Variants in ATP2A2 observed in about 807,000 individuals in gnomAD.
The protein encoded by ATP2A2 is ATPase sarcoplasmic/endoplasmic reticulum Ca2+ transporting 2.
Under a neutral mutation model 109.3 loss-of-function variants are expected in ATP2A2, and 14 were observed. The observed-to-expected ratio is 0.13, with a 90% CI of 0.08 to 0.20. The LOEUF is 0.20. ATP2A2 is among the 10% of genes least tolerant of loss of function. The pLI, the probability that ATP2A2 is intolerant of heterozygous loss-of-function variation, is 1.00. For synonymous variants in ATP2A2, 506 were observed against 490.9 expected (o/e 1.03, Z -0.41); for missense variants, 657 against 1,321.6 (o/e 0.50, Z 7.80).
Position 110,348,798 on chromosome 12 carries a change from G to A in ATP2A2, c.*2328G>A. The A allele has an allele frequency of 1.0e-6, 1 of 985,514 alleles. No individual in the cohort carries two copies. The highest frequency in any genetic ancestry group is 1.2e-6 in the Non-Finnish European group (1 of 830,018). The allele number at this position is 985,514 out of a possible 1,614,324, so 61.0% of individuals were successfully genotyped here. On this transcript the variant is annotated 3_prime_UTR_variant, in exon 20 of 20. Coordinates refer to ENST00000539276, the MANE Select transcript of ATP2A2 (RefSeq NM_170665.4). ...CTGCTTTGCCCAGCAGGGAACATTT[G>A]GGGCAGGGGGTAAATTTTGCCAGTT...
intron 5 of ATP2A2, among the ~76,000 whole-genome samples, chr12:110,314,592 C>A (rs1029132668): frequency 6.6e-6 from 1 of 152,128 alleles, no homozygotes. Flanking sequence ...TGGCCTTGAA[C>A]AAGTACCTTT....
At chr12:110,297,538 C>T (rs915795031) in intron 5 of ATP2A2, among the ~76,000 whole-genome samples, 1 of 152,022 alleles carries the variant, frequency 6.6e-6, no homozygotes, top group Non-Finnish European at 1.5e-5. Flanking sequence ...GTCCATGAAT[C>T]CACTGTGAGT....
At chr12:110,307,434 T>C (rs1361356638) in intron 5 of ATP2A2, among the ~76,000 whole-genome samples, 1 of 151,768 alleles carries the variant, frequency 6.6e-6, no homozygotes, top group East Asian at 2.0e-4. Context: ...GGTCTTACTA[T>C]GTTGCCCTGG....
chr12:110,336,749 C>T (rs1478982702), intron 11 of ATP2A2, among the ~76,000 whole-genome samples: 1 of 152,222 alleles, frequency 6.6e-6, no homozygotes, highest in Non-Finnish European at 1.5e-5. Flanking sequence ...AACTGATGCA[C>T]AATTCACAAA....
Position 110,347,368 on chromosome 12 carries a change from C to G in ATP2A2, c.*898C>G, listed in dbSNP as rs1566244752. The G allele has an allele frequency of 7.8e-7, 1 of 1,289,066 alleles. No homozygotes were observed. The highest frequency in any genetic ancestry group is 1.5e-5 in the African/African-American group (1 of 65,826). The allele number at this position is 1,289,066 out of a possible 1,614,324, so 79.9% of individuals were successfully genotyped here. On this transcript the variant is annotated 3_prime_UTR_variant, in exon 20 of 20. Coordinates refer to ENST00000539276, the MANE Select transcript of ATP2A2 (RefSeq NM_170665.4). ...TCGTAAGTGGCTTACCTGGGACTAA[C>G]AGACATGTCCAACTTTCTCTCCAGT... is the stretch of plus-strand genomic sequence containing the variant.
In ATP2A2 at chr12:110,339,705, A is replaced by G; in HGVS notation, c.1745A>G (p.Asn582Ser). 6.2e-7 allele frequency: 1 copy of G among 1,613,996 alleles called. No homozygotes were observed. The highest frequency in any genetic ancestry group is 8.5e-7 in the Non-Finnish European group (1 of 1,180,028). The change falls in exon 13 of 20, where the codon AAC becomes AGC. Residue 582 changes from asparagine to serine, a missense_variant. Physicochemically the swap from Asn to Ser is conservative, Grantham distance 46 (BLOSUM62 1). This residue lies in a region of ATP2A2 where 180 missense variants were observed against 329.1 expected (regional missense o/e 0.55). Transcript: ENST00000539276. The surrounding 1 kb of genome is among the most constrained non-coding windows in gnomAD (Gnocchi z 4.4). ...GAAATGCACCTTGAGGACTCTGCCA[A>G]CTTTATTAAATATGAGGTTAGCTAA... is the stretch of plus-strand genomic sequence containing the variant. ...REEMHLEDSANFIKYETNLTF... is the reference protein window; with the variant it reads ...REEMHLEDSASFIKYETNLTF...
chr12:110,308,262 G>C (rs1875599097), intron 5 of ATP2A2, among the ~76,000 whole-genome samples: 1 of 152,142 alleles, frequency 6.6e-6, no homozygotes, highest in African/African-American at 2.4e-5. Context: ...ATACAACGTT[G>C]AAGTACCAAG....
intron 3 of ATP2A2, among the ~76,000 whole-genome samples, chr12:110,288,333 G>A (rs1465979022): frequency 6.6e-6 from 1 of 151,002 alleles, no homozygotes; most frequent in African/African-American, 2.4e-5. Context: ...CCAATTCCTG[G>A]CCTTAAGAGA....
At chr12:110,303,523 G>A (rs551689427) in intron 5 of ATP2A2, among the ~76,000 whole-genome samples, 1 of 152,186 alleles carries the variant, frequency 6.6e-6, no homozygotes, top group African/African-American at 2.4e-5. Flanking sequence ...CGATTCTCCT[G>A]CCTCAGCCTC....
intron 5 of ATP2A2, among the ~76,000 whole-genome samples, chr12:110,319,500 A>G (rs1369079773): frequency 6.6e-6 from 1 of 151,194 alleles, no homozygotes; most frequent in East Asian, 1.9e-4. Context: ...ATGTGTATCA[A>G]TACAGTTTCT....
rs1468258059 is a variant in ATP2A2 at position 110,348,006 on chromosome 12, A to G, written c.*1536A>G. On this transcript the variant is annotated 3_prime_UTR_variant, in exon 20 of 20. Coordinates refer to ENST00000539276, the MANE Select transcript of ATP2A2 (RefSeq NM_170665.4). ...AGGTGTGGCTTTCATAGACCTCCAC[A>G]GGCTGCCTAGGACAAGATGACCAGG... The G allele has an allele frequency of 2.0e-6, 2 of 987,986 alleles. No homozygotes were observed. Among genetic ancestry groups the G allele is most frequent in the Non-Finnish European group, 2.4e-6 (2 of 831,676 alleles). 61.2% of individuals were successfully genotyped at this position (987,986 alleles called of 1,614,324 possible). A position where few individuals can be genotyped will look rare whatever the true frequency, so the allele number is the denominator to read the frequency against.
At chr12:110,306,708 G>A (rs1875378458) in intron 5 of ATP2A2, among the ~76,000 whole-genome samples, 1 of 152,098 alleles carries the variant, frequency 6.6e-6, no homozygotes, top group South Asian at 2.1e-4. Context: ...GCATGGCTGC[G>A]TAGTATCACA....
At position 110,349,073 on chromosome 12, in the gene ATP2A2, G is replaced by A. The variant is rs1012938368; in HGVS notation, c.*2603G>A. 8.1e-6 allele frequency: 8 copies of A among 985,384 alleles called. No individual in the cohort carries two copies. The highest frequency in any genetic ancestry group is 8.4e-6 in the Non-Finnish European group (7 of 830,018). 61.0% of individuals were successfully genotyped at this position (985,384 alleles called of 1,614,324 possible). A position where few individuals can be genotyped will look rare whatever the true frequency, so the allele number is the denominator to read the frequency against. ...TCAGACCCCTCCAGCCCACAGAGGA[G>A]CCCATGGAGGGACCCACTTCCCTTG... On this transcript the variant is annotated 3_prime_UTR_variant, in exon 20 of 20. Coordinates refer to ENST00000539276, the MANE Select transcript of ATP2A2 (RefSeq NM_170665.4).
Position 110,340,557 on chromosome 12 carries a change from A to G in ATP2A2, c.1762-102A>G. The G allele has an allele frequency of 7.4e-7, 1 of 1,353,688 alleles. No homozygotes were observed. Among genetic ancestry groups the G allele is most frequent in the Non-Finnish European group, 1.0e-6 (1 of 973,382 alleles). 83.9% of individuals were successfully genotyped at this position (1,353,688 alleles called of 1,614,324 possible). Reference sequence around the variant, plus strand: ...CCGCCTCAAAAAAAAAAAAAGAAAAAAAATGCAGAAACCTGTCTCAATGTT... The same window carrying G: ...CCGCCTCAAAAAAAAAAAAAGAAAAGAAATGCAGAAACCTGTCTCAATGTT... On this transcript the variant is annotated intron_variant, in intron 13 of 19. Coordinates refer to ENST00000539276, the MANE Select transcript of ATP2A2 (RefSeq NM_170665.4). This position sits in a 1 kb window ranked among gnomAD's most constrained non-coding sequence, Gnocchi z 6.0.
intron 11 of ATP2A2, among the ~76,000 whole-genome samples, chr12:110,337,161 G>A (rs1878913185): frequency 6.6e-6 from 1 of 152,156 alleles, no homozygotes; most frequent in Non-Finnish European, 1.5e-5. Context: ...CAAGGGATCG[G>A]AAACAGCTGT....
chr12:110,311,422 C>T (rs978927142), intron 5 of ATP2A2, among the ~76,000 whole-genome samples: 5 of 151,584 alleles, frequency 3.3e-5, no homozygotes, highest in Non-Finnish European at 7.4e-5. Context: ...ACCCCCGTCT[C>T]TACTAAAAAT....
Position 110,347,438 on chromosome 12 carries a change from G to C in ATP2A2, c.*968G>C, listed in dbSNP as rs778876071. On this transcript the variant is annotated 3_prime_UTR_variant, in exon 20 of 20. Coordinates refer to ENST00000539276, the MANE Select transcript of ATP2A2 (RefSeq NM_170665.4). ...TTGTACTCTGCTTGAGGGGAAGAAGGCTCCTGCTCTGCTGTGTAGGTAGTC... is the reference window on the plus strand; with the variant it reads ...TTGTACTCTGCTTGAGGGGAAGAAGCCTCCTGCTCTGCTGTGTAGGTAGTC... 53 of 1,289,014 alleles carry C rather than the reference G, an allele frequency of 4.1e-5. No homozygotes were observed. The highest frequency in any genetic ancestry group is 2.6e-4 in the South Asian group (21 of 81,020). The allele number at this position is 1,289,014 out of a possible 1,614,324, so 79.8% of individuals were successfully genotyped here. A position where few individuals can be genotyped will look rare whatever the true frequency, so the allele number is the denominator to read the frequency against.
At position 110,347,729 on chromosome 12, in the gene ATP2A2, A is replaced by G; in HGVS notation, c.*1259A>G. 1 of 1,146,764 alleles carries G rather than the reference A, an allele frequency of 8.7e-7. No individual in the cohort carries two copies. The highest frequency in any genetic ancestry group is 1.1e-6 in the Non-Finnish European group (1 of 920,268). 71.0% of individuals were successfully genotyped at this position (1,146,764 alleles called of 1,614,324 possible). A position where few individuals can be genotyped will look rare whatever the true frequency, so the allele number is the denominator to read the frequency against. On this transcript the variant is annotated 3_prime_UTR_variant, in exon 20 of 20. Transcript: ENST00000539276. ...GAGATGAGTCTCACCAACAGTGTGTAAGTCATTAACAGTCCTAACTGTGGT... is the reference window on the plus strand; with the variant it reads ...GAGATGAGTCTCACCAACAGTGTGTGAGTCATTAACAGTCCTAACTGTGGT...
At chr12:110,341,697 A>AC (rs1467533777) in intron 14 of ATP2A2, among the ~76,000 whole-genome samples, 1 of 151,890 alleles carries the variant, frequency 6.6e-6, no homozygotes, top group East Asian at 1.9e-4. Context: ...ACATGGTGAA[A>AC]CCCCGTCTGT....
Sources: allele counts gnomAD v4.1 joint callset (sites outside exome capture counted in the v4.1 genomes callset), GRCh38; gene constraint gnomAD v4.1.1; regional missense constraint gnomAD v4.1.1; non-coding constraint Gnocchi (gnomAD v3.1); transcripts MANE v1.5; gene names NCBI Gene and HGNC (gene_info 2026-07-23, HGNC 2026-07-21).